Variants in NEB observed in about 807,000 individuals in gnomAD.
NEB encodes nemaline myopathy type 2.
A neutral mutation model predicts 952.2 loss-of-function variants in NEB; 512 were observed. The ratio of observed to expected loss-of-function variants is 0.54; its 90% CI spans 0.50 to 0.58. The LOEUF is 0.58. Among genes scored for constraint, NEB ranks in the 20% least tolerant of loss-of-function variants. The pLI is 0.00. For missense variants in NEB, 8,428 were observed against 9,231.1 expected (o/e 0.91, Z 3.56); for synonymous variants, 2,900 against 3,149.8 (o/e 0.92, Z 2.66).
At chr2:151,629,438 C>A in intron 68 of NEB, 101 bp downstream of exon 68, 2 of 961,838 alleles carry the variant, frequency 2.1e-6, no homozygotes, top group South Asian at 1.5e-5. Context: ...GAAAAACAAG[C>A]CAATAAATGT....
intron 155 of NEB, 65 bp from the exon 156 acceptor site, chr2:151,518,487 CTT>C (rs1335229167): frequency 1.3e-5 from 13 of 1,020,334 alleles, no homozygotes; most frequent in Non-Finnish European, 1.8e-5. Context: ...TATTTTTCCT[CTT>C]TAGATTAGAC....
At chr2:151,691,774 G>A in intron 23 of NEB, 90 bp downstream of exon 23, 1 of 965,604 alleles carries the variant, frequency 1.0e-6, no homozygotes, top group South Asian at 1.4e-5. Flanking sequence ...CTAATCACTA[G>A]ATATTAGCAT....
In NEB at chr2:151,642,618, T is replaced by C; in HGVS notation, c.8329A>G (p.Ile2777Val). ...RKGYDMRVDAIPIKAAKASRD... is the reference protein window; with the variant it reads ...RKGYDMRVDAVPIKAAKASRD... ...GAGGCCTTGGCTGCCTTGATAGGAA[T>C]GGCATCTACCCGCATGTCATAACCT... The change falls in exon 60 of 182, where the codon ATT becomes GTT. Residue 2777 changes from isoleucine (I) to valine (V), a missense_variant. This residue lies in a region of NEB where 1,772 missense variants were observed against 1,960.3 expected (regional missense o/e 0.90). Coordinates refer to ENST00000397345, the MANE Select transcript of NEB (RefSeq NM_001164508.2). The C allele has an allele frequency of 6.2e-7, 1 of 1,613,902 alleles. No individual in the cohort carries two copies. Among genetic ancestry groups the C allele is most frequent in the Non-Finnish European group, 8.5e-7 (1 of 1,179,816 alleles).
chr2:151,687,578 C>T (rs1559255304), intron 26 of NEB, 46 bp from the exon 27 acceptor site: 10 of 1,613,114 alleles, frequency 6.2e-6, no homozygotes, highest in East Asian at 4.5e-5. Context: ...CAGGAAATGT[C>T]CCCAAGGCCA....
At chr2:151,650,125 A>T in intron 54 of NEB, 51 bp downstream of exon 54, 5 of 1,554,700 alleles carry the variant, frequency 3.2e-6, no homozygotes, top group Non-Finnish European at 4.4e-6. Flanking sequence ...CTATTGAGCA[A>T]ACACTAGGTA....
intron 142 of NEB, 59 bp downstream of exon 142, chr2:151,535,632 C>A (rs978952713): frequency 1.4e-5 from 15 of 1,088,742 alleles, no homozygotes; most frequent in Non-Finnish European, 1.7e-5. Flanking sequence ...TTTAAAAAAA[C>A]TCTGAGACTT....
At position 151,650,655 on chromosome 2, in the gene NEB, C is replaced by A; in HGVS notation, c.7146G>T (p.Lys2382Asn). The part of the protein sequence containing the change: ...CQELVSDVDY[K>N]NYLHQWTCLP... ...GACATGTCCACTGATGCAGGTAGTT[C>A]TTGTAGTCCACGTCACTAACCAACT... Residue 2382 changes from lysine (K) to asparagine (N), a missense_variant, in exon 53 of 182, where the codon AAG becomes AAT. This residue lies in a region of NEB where 1,772 missense variants were observed against 1,960.3 expected (regional missense o/e 0.90). Transcript: ENST00000397345. 1.2e-6 allele frequency: 2 copies of A among 1,613,504 alleles called. No individual in the cohort carries two copies. Among genetic ancestry groups the A allele is most frequent in the Non-Finnish European group, 1.7e-6 (2 of 1,179,566 alleles).
At chr2:151,624,489 T>C (rs1479157144) in intron 71 of NEB, among the ~76,000 whole-genome samples, 2 of 152,200 alleles carry the variant, frequency 1.3e-5, no homozygotes, top group East Asian at 3.9e-4. Flanking sequence ...CAAGAGAAAA[T>C]GGCCCATTCA....
intron 144 of NEB, 61 bp from the exon 145 acceptor site, chr2:151,531,162 A>T (rs2090499400): frequency 8.9e-7 from 1 of 1,124,438 alleles, no homozygotes; most frequent in Non-Finnish European, 1.3e-6. Flanking sequence ...ATATCAAAAT[A>T]TAAATGCAAA....
chr2:151,532,839 CTT>C (rs559737682), intron 143 of NEB, among the ~76,000 whole-genome samples: 211 of 152,148 alleles, frequency 1.4e-3, no homozygotes, highest in African/African-American at 4.8e-3. Context: ...TCAAATTTAC[CTT>C]TCAGCATGTG....
chr2:151,538,235 TG>T lies in NEB; in HGVS notation c.20901del (p.Tyr6967Ter). 6.2e-7 allele frequency: 1 copy of T among 1,609,906 alleles called. No homozygotes were observed. The highest frequency in any genetic ancestry group is 8.5e-7 in the Non-Finnish European group (1 of 1,176,364). ...RAYWNASDLRYKETFQKTKGK... is the reference protein window; with the variant it reads ...RAYWNASDLRXKETFQKTKGK... ...CCTTTGGTCTTTTGAAATGTTTCTT[TG>T]TAGCGTAGCTAGAAAGAGAAAAAAC... On this transcript the variant is annotated frameshift_variant, in exon 139 of 182. Transcript: ENST00000397345. LOFTEE classifies it high-confidence loss of function.
intron 155 of NEB, 57 bp downstream of exon 155, chr2:151,518,908 G>T: frequency 8.3e-7 from 1 of 1,208,344 alleles, no homozygotes; most frequent in South Asian, 1.2e-5. Context: ...GGCTCAGAAA[G>T]AATTTAGTTC....
intron 81 of NEB, among the ~76,000 whole-genome samples, chr2:151,609,308 A>G (rs1482310654): frequency 1.3e-5 from 2 of 152,176 alleles, no homozygotes; most frequent in African/African-American, 4.8e-5. Context: ...GTACTTCCAA[A>G]AAAGCAAGAC....
rs2096000952 is a variant in NEB, at chr2:151,560,951, C to T, written c.19206+53G>A. 3.5e-6 allele frequency: 4 copies of T among 1,128,162 alleles called. No homozygotes were observed. In the East Asian group the frequency reaches 9.5e-5, roughly 27 times the overall value. The allele number at this position is 1,128,162 out of a possible 1,614,324, so 69.9% of individuals were successfully genotyped here. On this transcript the variant is annotated intron_variant, in intron 123 of 181. Transcript: ENST00000397345. ...CCATCCCATTTATTCTCTTACTGTCCCAGAAGGGGGAAAGGTGGCTCATAT... is the reference window on the plus strand; with the variant it reads ...CCATCCCATTTATTCTCTTACTGTCTCAGAAGGGGGAAAGGTGGCTCATAT...
intron 71 of NEB, 59 bp downstream of exon 71, chr2:151,625,475 T>C: frequency 7.5e-7 from 1 of 1,324,564 alleles, no homozygotes; most frequent in Non-Finnish European, 1.0e-6. Flanking sequence ...AATTCTCACA[T>C]TCCTACATCG....
rs569902276 is a variant in NEB, at chr2:151,677,641, T to G, written c.3698A>C (p.Asp1233Ala). 1.2e-6 allele frequency: 2 copies of G among 1,613,980 alleles called. No individual in the cohort carries two copies. The highest frequency in any genetic ancestry group is 2.2e-5 in the South Asian group (2 of 91,084). The change falls in exon 34 of 182, where the codon GAC becomes GCC. Residue 1233 changes from aspartate (D) to alanine (A), a missense_variant. Around this residue, in one of 11 missense-constraint regions of NEB, gnomAD observed 2,851 missense variants for 2,791.5 expected, o/e 1.02. Transcript: ENST00000397345. The stretch of plus-strand genomic sequence containing the variant: ...CACAATGCTGGTAAATTTGAGGGTG[T>G]CTGGATGTTGCCTGTACTTCTTTTC... The part of the protein sequence containing the change: ...LNEKKYRQHP[D>A]TLKFTSIVDS...
At chr2:151,549,524 A>G (rs1577099642) in intron 130 of NEB, 112 bp downstream of exon 130, 2 of 744,574 alleles carry the variant, frequency 2.7e-6, no homozygotes, top group Non-Finnish European at 4.8e-6. Flanking sequence ...CCATCATTCT[A>G]TCAGGTTGAA....
rs1405363105 is a variant in NEB at position 151,618,275 on chromosome 2, C to T, written c.11076G>A (p.Lys3692=). ...LAKNNALNMN[K]RLYTEAWDND... ...CTAACAGTGAGGATTGAAGACTCAC[C>T]TTATTCATGTTTAAAGCATTGTTTT... Residue 3692 remains lysine, a splice_region_variant and synonymous_variant, in exon 74 of 182, where the codon AAG becomes AAA. Coordinates refer to ENST00000397345, the MANE Select transcript of NEB (RefSeq NM_001164508.2). 1 of 1,613,376 alleles carries T rather than the reference C, an allele frequency of 6.2e-7. No homozygotes were observed. Among genetic ancestry groups the T allele is most frequent in the African/African-American group, 1.3e-5 (1 of 74,874 alleles).
chr2:151,625,214 C>T (rs531112299), intron 71 of NEB, among the ~76,000 whole-genome samples: 1 of 152,182 alleles, frequency 6.6e-6, no homozygotes, highest in East Asian at 1.9e-4. Context: ...AATTTTGAAG[C>T]AAGTACTAAT....
Sources: gnomAD v4.1 joint callset for allele counts (sites outside exome capture counted in the v4.1 genomes callset) on GRCh38, gnomAD v4.1.1 for gene constraint, gnomAD v4.1.1 regional missense constraint, MANE v1.5 for transcripts, NCBI Gene and HGNC (gene_info 2026-07-23, HGNC 2026-07-21) for gene names.